The following PHACTR3 variants were observed in gnomAD, a reference collection of about 807,000 sequenced individuals.
PHACTR3 encodes phosphatase and actin regulator 3.
In PHACTR3, 16 loss-of-function variants were observed where a neutral mutation model predicts 66.8. The observed-to-expected ratio is 0.24, with a 90% confidence interval of 0.16 to 0.36. PHACTR3 has a LOEUF of 0.36. Ranked by LOEUF, PHACTR3 falls within the 10% of genes least tolerant of loss-of-function variation. PHACTR3 has a pLI of 1.00. For missense variants in PHACTR3, 647 were observed against 719.9 expected, an observed-to-expected ratio of 0.90 and a Z score of 1.16; for synonymous variants, 323 against 292.1, an observed-to-expected ratio of 1.11 and a Z score of -1.08.
At chr20:59,744,654 C>G (rs1182471) in intron 2 of PHACTR3, among the ~76,000 whole-genome samples, 119,521 of 152,212 alleles carry the variant, frequency 0.79, 47,660 homozygotes, top group African/African-American at 0.92. Context: ...TCATGCTTTT[C>G]TGTGTGCTTT....
intron 7 of PHACTR3, among the ~76,000 whole-genome samples, chr20:59,779,091 G>A (rs1023717805): frequency 4.6e-5 from 7 of 152,200 alleles, no homozygotes; most frequent in Admixed American, 2.6e-4. Flanking sequence ...GAAACTCCTT[G>A]TTGAGGGCTG....
chr20:59,648,205 C>T (rs541055517), intron 1 of PHACTR3, among the ~76,000 whole-genome samples: 1 of 152,332 alleles, frequency 6.6e-6, no homozygotes, highest in East Asian at 1.9e-4. Context: ...CATTGCTTCT[C>T]GTCCCTCTCA....
intron 1 of PHACTR3, among the ~76,000 whole-genome samples, chr20:59,622,580 G>A (rs542285575): frequency 4.2e-4 from 64 of 152,278 alleles, no homozygotes; most frequent in South Asian, 1.5e-3. Context: ...GGAGGCTGCC[G>A]TGTGCCTGCT....
intron 1 of PHACTR3, among the ~76,000 whole-genome samples, chr20:59,607,400 C>T (rs1029362659): frequency 1.3e-5 from 2 of 152,162 alleles, no homozygotes; most frequent in Non-Finnish European, 2.9e-5. Flanking sequence ...ATGTGAGACT[C>T]CTGAAAATTG....
intron 4 of PHACTR3, among the ~76,000 whole-genome samples, chr20:59,756,870 C>G (rs757244578): frequency 8.1e-4 from 123 of 152,018 alleles, no homozygotes; most frequent in Non-Finnish European, 1.4e-3. Context: ...CAAATGGGAT[C>G]TAAACTAAAG....
At chr20:59,603,461 C>T (rs1283224644), upstream of PHACTR3, 1 of 152,576 alleles carries the variant, frequency 6.6e-6, no homozygotes, top group Non-Finnish European at 1.5e-5. Context: ...TCCCCACCAC[C>T]ACCCCGCTCA....
chr20:59,814,262 C>A (rs1047066893), intron 8 of PHACTR3, among the ~76,000 whole-genome samples: 6 of 152,182 alleles, frequency 3.9e-5, no homozygotes, highest in Non-Finnish European at 8.8e-5. Flanking sequence ...CAGGAGCCAG[C>A]ACCATCCTGG....
intron 1 of PHACTR3, among the ~76,000 whole-genome samples, chr20:59,646,755 C>A (rs1222844164): frequency 1.3e-5 from 2 of 152,168 alleles, no homozygotes; most frequent in Admixed American, 6.5e-5. Flanking sequence ...GGGCCTGAGG[C>A]AGGGAGGGTG....
chr20:59,668,342 G>A (rs374995474), intron 1 of PHACTR3, among the ~76,000 whole-genome samples: 5 of 149,638 alleles, frequency 3.3e-5, no homozygotes, highest in African/African-American at 9.9e-5. Flanking sequence ...GGGCACGTAC[G>A]CCTGTATGGG....
At chr20:59,791,607 T>A (rs1219282473) in intron 7 of PHACTR3, among the ~76,000 whole-genome samples, 1 of 151,610 alleles carries the variant, frequency 6.6e-6, no homozygotes, top group Non-Finnish European at 1.5e-5. Context: ...TTTTTTTTTT[T>A]AACTGAAGTT....
chr20:59,681,263 C>T (rs980007604), intron 1 of PHACTR3, among the ~76,000 whole-genome samples: 10 of 152,182 alleles, frequency 6.6e-5, no homozygotes, highest in Non-Finnish European at 1.0e-4. Flanking sequence ...AGATTCCACA[C>T]GTACACACAT....
Position 59,800,411 on chromosome 20 carries a change from T to A in PHACTR3, c.1175-5630T>A, listed in dbSNP as rs553146189. ...CTTATTTTGTCTTTATTTTGAAAGATAGTTTTTCCAAGTATGGAATTCCGA... is the reference window on the plus strand; with the variant it reads ...CTTATTTTGTCTTTATTTTGAAAGAAAGTTTTTCCAAGTATGGAATTCCGA... On this transcript the variant is annotated intron_variant, in intron 7 of 12. Coordinates refer to ENST00000371015, the MANE Select transcript of PHACTR3 (RefSeq NM_080672.5). Among the ~76,000 whole-genome samples the A allele has an allele frequency of 2.6e-5, 4 of 152,300 alleles. No individual in the cohort carries two copies. The South Asian group carries it at 8.3e-4, about 32-fold the overall frequency.
At chr20:59,679,349 G>T (rs892291458) in intron 1 of PHACTR3, among the ~76,000 whole-genome samples, 1 of 152,176 alleles carries the variant, frequency 6.6e-6, no homozygotes, top group African/African-American at 2.4e-5. Context: ...AATGAAGTGC[G>T]TGTACATGCA....
In PHACTR3 at chr20:59,605,451, C is replaced by G. The variant is rs371218585; in HGVS notation, c.118+319C>G. Reference sequence around the variant, plus strand: ...CCGGCTGGGGGAAGAGAGGCAGACCCGTGGCCGCCTCCGCCCAGCGCCGGT... The same window carrying G: ...CCGGCTGGGGGAAGAGAGGCAGACCGGTGGCCGCCTCCGCCCAGCGCCGGT... On this transcript the variant is annotated intron_variant, in intron 1 of 12. Transcript: ENST00000371015. Among the ~76,000 whole-genome samples the G allele has an allele frequency of 2.4e-4, 37 of 152,358 alleles. 1 individual carries two copies. In the East Asian group the frequency reaches 3.7e-3, roughly 15 times the overall value.
At chr20:59,616,418 G>A (rs2034027575) in intron 1 of PHACTR3, among the ~76,000 whole-genome samples, 2 of 152,182 alleles carry the variant, frequency 1.3e-5, no homozygotes, top group South Asian at 4.1e-4. Flanking sequence ...GGGCTTTCCT[G>A]GTCTGAGCTG....
Position 59,613,622 on chromosome 20 carries a change from A to T in PHACTR3, c.118+8490A>T, listed in dbSNP as rs140159361. 2.3e-3 allele frequency among the ~76,000 whole-genome samples: 343 copies of T among 152,322 alleles called. 1 individual carries two copies. Among genetic ancestry groups the T allele is most frequent in the Middle Eastern group, 0.01 (3 of 292 alleles). ...TCCGCGGAAGGGGAGGGTGAGAATG[A>T]CTATCAGGTAGTGAACTACAGTCTC... On this transcript the variant is annotated intron_variant, in intron 1 of 12. Coordinates refer to ENST00000371015, the MANE Select transcript of PHACTR3 (RefSeq NM_080672.5).
intron 3 of PHACTR3, among the ~76,000 whole-genome samples, chr20:59,752,951 G>A (rs1244420809): frequency 6.6e-6 from 1 of 152,122 alleles, no homozygotes; most frequent in Admixed American, 6.5e-5. Context: ...CACGTCAAAT[G>A]CGAGTAAGTC....
intron 1 of PHACTR3, among the ~76,000 whole-genome samples, chr20:59,676,972 T>C (rs2036471266): frequency 6.6e-6 from 1 of 151,032 alleles, no homozygotes; most frequent in Admixed American, 6.6e-5. Flanking sequence ...CACAGATGGG[T>C]CATTTTTATG....
intron 1 of PHACTR3, among the ~76,000 whole-genome samples, chr20:59,702,009 G>T (rs918628574): frequency 7.9e-5 from 12 of 152,252 alleles, no homozygotes; most frequent in African/African-American, 2.9e-4. Flanking sequence ...ATGCCTTTAA[G>T]TTTCCTCCAT....
Sources: gnomAD v4.1 joint callset for allele counts (sites outside exome capture counted in the v4.1 genomes callset) on GRCh38, gnomAD v4.1.1 for gene constraint, MANE v1.5 for transcripts, NCBI Gene and HGNC (gene_info 2026-07-23, HGNC 2026-07-21) for gene names.